Variants in DOCK1 observed in about 807,000 individuals in gnomAD.
DOCK1 encodes dedicator of cytokinesis protein 1.
In DOCK1, 138 loss-of-function variants were observed where a neutral mutation model predicts 262.7. That is an observed-to-expected ratio of 0.53 (90% confidence interval 0.46 to 0.61). The LOEUF (loss-of-function observed/expected upper bound fraction) is 0.61, where lower values mean the gene tolerates loss of function less well. DOCK1 is among the 20% of genes least tolerant of loss of function. The pLI, the probability that DOCK1 is intolerant of heterozygous loss-of-function variation, is 0.00. For missense variants in DOCK1, 1,908 were observed against 2,370.7 expected (o/e 0.80, Z 4.05); for synonymous variants, 866 against 867.4 (o/e 1.00, Z 0.03).
intron 29 of DOCK1, among the ~76,000 whole-genome samples, chr10:127,321,178 A>T (rs1348191225): frequency 1.4e-5 from 2 of 146,800 alleles, no homozygotes; most frequent in African/African-American, 5.1e-5. Context: ...GGCATGTCTC[A>T]TTCCTTCTCT....
chr10:127,359,158 T>C (rs1212474635), intron 32 of DOCK1, among the ~76,000 whole-genome samples: 3 of 147,622 alleles, frequency 2.0e-5, no homozygotes, highest in Admixed American at 6.7e-5. Context: ...AAAAAAAAGG[T>C]GGCTACCAGA....
At chr10:127,146,773 C>T (rs2051901057) in intron 27 of DOCK1, among the ~76,000 whole-genome samples, 1 of 152,160 alleles carries the variant, frequency 6.6e-6, no homozygotes, top group South Asian at 2.1e-4. Context: ...GAGATAATCG[C>T]TGAATGACAA....
intron 1 of DOCK1, among the ~76,000 whole-genome samples, chr10:126,948,239 G>A: frequency 2.1e-5 from 1 of 48,676 alleles, no homozygotes. Context: ...TAGTATTACT[G>A]TTGGTGGTGA....
At chr10:127,206,136 C>CT (rs34450374) in intron 27 of DOCK1, among the ~76,000 whole-genome samples, 23,139 of 78,772 alleles carry the variant, frequency 0.29, 4,653 homozygotes, top group Non-Finnish European at 0.37. Context: ...TTCTTCTTCT[C>CT]TTTTTTTTTT....
At chr10:126,985,673 G>A (rs947713557) in intron 4 of DOCK1, among the ~76,000 whole-genome samples, 2 of 152,162 alleles carry the variant, frequency 1.3e-5, no homozygotes, top group Admixed American at 6.5e-5. Context: ...TCCTCATACT[G>A]TGAGTGGAAG....
intron 27 of DOCK1, among the ~76,000 whole-genome samples, chr10:127,208,773 G>T (rs1027855743): frequency 6.6e-6 from 1 of 152,142 alleles, no homozygotes; most frequent in Admixed American, 6.5e-5. Context: ...GATATCATCT[G>T]TTAGATGATA....
In DOCK1 at chr10:127,329,970, T is replaced by C. The variant is rs74158665; in HGVS notation, c.3045-9036T>C. ...CAGACTGGTTTATCCCAACACTTGC[T>C]AACTCCACGTTAGGGCTCTTAGTGG... On this transcript the variant is annotated intron_variant, in intron 29 of 51. Transcript: ENST00000623213. Among the ~76,000 whole-genome samples, 1,265 of 152,276 alleles carry C rather than the reference T, an allele frequency of 8.3e-3. 16 individuals carry two copies. Among genetic ancestry groups the C allele is most frequent in the African/African-American group, 0.029 (1,217 of 41,554 alleles).
At chr10:127,260,367 T>A (rs536494608) in intron 29 of DOCK1, among the ~76,000 whole-genome samples, 1 of 152,358 alleles carries the variant, frequency 6.6e-6, no homozygotes, top group South Asian at 2.1e-4. Flanking sequence ...GTCCACCTTG[T>A]TCTCTTGTTC....
At chr10:127,134,987 C>T (rs536925114) in intron 27 of DOCK1, among the ~76,000 whole-genome samples, 6 of 152,254 alleles carry the variant, frequency 3.9e-5, no homozygotes, top group South Asian at 2.1e-4. Flanking sequence ...AGGAAGGAGG[C>T]GGCTGATCCC....
intron 1 of DOCK1, among the ~76,000 whole-genome samples, chr10:126,965,101 G>A (rs2037563436): frequency 6.6e-6 from 1 of 152,214 alleles, no homozygotes; most frequent in Non-Finnish European, 1.5e-5. Flanking sequence ...TTACAGATGA[G>A]CAACTCTACA....
intron 25 of DOCK1, among the ~76,000 whole-genome samples, chr10:127,123,847 C>T (rs895437107): frequency 2.0e-5 from 3 of 152,212 alleles, no homozygotes; most frequent in Non-Finnish European, 2.9e-5. Flanking sequence ...GACCTGGCCT[C>T]TTTCCAGAAG....
At chr10:126,914,144 C>T (rs1419183083) in intron 1 of DOCK1, among the ~76,000 whole-genome samples, 2 of 152,210 alleles carry the variant, frequency 1.3e-5, no homozygotes, top group African/African-American at 4.8e-5. Flanking sequence ...GTAGCCCCTG[C>T]CTGTTGCAAA....
chr10:127,054,894 G>A (rs1308614001), intron 22 of DOCK1, among the ~76,000 whole-genome samples: 1 of 152,142 alleles, frequency 6.6e-6, no homozygotes, highest in East Asian at 1.9e-4. Context: ...ATTGATAATG[G>A]TGTTTCTGCT....
At position 127,334,639 on chromosome 10, in the gene DOCK1, G is replaced by T. The variant is rs528787739; in HGVS notation, c.3045-4367G>T. On this transcript the variant is annotated intron_variant, in intron 29 of 51. Coordinates refer to ENST00000623213, the MANE Select transcript of DOCK1 (RefSeq NM_001290223.2). ...CTTTTTAGGTTGACATAATTTGCCT[G>T]TGATTCTTTCTGGATTATTTATTTG... Among the ~76,000 whole-genome samples the T allele has an allele frequency of 7.9e-5, 12 of 152,272 alleles. No homozygotes were observed. In the South Asian group the frequency reaches 2.5e-3, roughly 32 times the overall value.
At chr10:126,978,561 G>C (rs1005661902) in intron 3 of DOCK1, among the ~76,000 whole-genome samples, 2 of 152,102 alleles carry the variant, frequency 1.3e-5, no homozygotes, top group African/African-American at 4.8e-5. Context: ...TTCTGTTGTG[G>C]CTTTAACATT....
intron 27 of DOCK1, among the ~76,000 whole-genome samples, chr10:127,154,770 A>T (rs2052874715): frequency 6.6e-6 from 1 of 152,172 alleles, no homozygotes; most frequent in Admixed American, 6.5e-5. Flanking sequence ...CTAATTAAAA[A>T]ATTAATAATA....
At chr10:127,155,103 T>C (rs913263824) in intron 27 of DOCK1, among the ~76,000 whole-genome samples, 5 of 152,190 alleles carry the variant, frequency 3.3e-5, no homozygotes, top group Admixed American at 6.5e-5. Context: ...GGGGCAAATT[T>C]CCACGTACAG....
intron 29 of DOCK1, among the ~76,000 whole-genome samples, chr10:127,314,042 G>C (rs954845328): frequency 6.6e-6 from 1 of 152,170 alleles, no homozygotes; most frequent in Non-Finnish European, 1.5e-5. Context: ...TTTCATGCCC[G>C]TGAATAATGA....
chr10:127,225,588 T>C (rs903626936), intron 27 of DOCK1, among the ~76,000 whole-genome samples: 3 of 152,220 alleles, frequency 2.0e-5, no homozygotes, highest in Non-Finnish European at 2.9e-5. Flanking sequence ...CACACCAGAC[T>C]GAAGGATTTC....
Sources: allele counts gnomAD v4.1 joint callset (sites outside exome capture counted in the v4.1 genomes callset), GRCh38; gene constraint gnomAD v4.1.1; transcripts MANE v1.5; gene names NCBI Gene and HGNC (gene_info 2026-07-23, HGNC 2026-07-21).